Variants in RFX7 observed in about 807,000 individuals in gnomAD.
RFX7 encodes regulatory factor X7.
In RFX7, 26 loss-of-function variants were observed where a neutral mutation model predicts 111.8. The observed-to-expected ratio is 0.23, with a 90% confidence interval of 0.17 to 0.32. The LOEUF (loss-of-function observed/expected upper bound fraction) is 0.32, where lower values mean the gene tolerates loss of function less well. Ranked by LOEUF, RFX7 falls within the 10% of genes least tolerant of loss-of-function variation. The pLI is 1.00. For missense variants in RFX7, 1,573 were observed against 1,772.9 expected, an observed-to-expected ratio of 0.89 and a Z score of 2.02; for synonymous variants, 624 against 624.4, an observed-to-expected ratio of 1.00 and a Z score of 0.01.
At chr15:56,111,457 G>A (rs370624047) in intron 5 of RFX7, among the ~76,000 whole-genome samples, 3 of 150,736 alleles carry the variant, frequency 2.0e-5, no homozygotes, top group African/African-American at 4.9e-5. Context: ...CAGCATGCTC[G>A]TTAAGAGTCA....
At chr15:56,201,039 A>G (rs1243461212) in intron 2 of RFX7, among the ~76,000 whole-genome samples, 1 of 152,194 alleles carries the variant, frequency 6.6e-6, no homozygotes, top group Non-Finnish European at 1.5e-5. Flanking sequence ...CTGAAGTTAA[A>G]ATGAGAATTC....
intron 2 of RFX7, among the ~76,000 whole-genome samples, chr15:56,227,173 A>G (rs1567053277): frequency 6.6e-6 from 1 of 152,214 alleles, no homozygotes; most frequent in Non-Finnish European, 1.5e-5. Context: ...AGTATTTTGC[A>G]AAGGTTCTCA....
intron 2 of RFX7, among the ~76,000 whole-genome samples, chr15:56,182,453 C>G (rs1457387056): frequency 1.3e-5 from 2 of 151,906 alleles, no homozygotes; most frequent in Admixed American, 1.3e-4. Context: ...AGCCTTATAC[C>G]CCTCCCTACC....
rs549397819 is a variant in RFX7 at position 56,154,082 on chromosome 15, G to A, written c.196-9599C>T. Among the ~76,000 whole-genome samples, 9 of 152,176 alleles carry A rather than the reference G, an allele frequency of 5.9e-5. No homozygotes were observed. The South Asian group carries it at 1.7e-3, about 28-fold the overall frequency. On this transcript the variant is annotated intron_variant, in intron 3 of 9. Transcript: ENST00000559447. ...CCTAGGAATACAACTTACAAGGGAC[G>A]TGAAGGATTTCAAGGAGAACTACAA...
chr15:56,104,939 A>G (rs962511187), intron 5 of RFX7, among the ~76,000 whole-genome samples: 3 of 152,190 alleles, frequency 2.0e-5, no homozygotes, highest in African/African-American at 7.2e-5. Flanking sequence ...TAAATTTGAT[A>G]CTTTGAGGGC....
rs2041546251 is a variant in RFX7 at position 56,087,778 on chromosome 15, G to C, written c.*5567C>G. The C allele has an allele frequency of 2.9e-6, 1 of 340,898 alleles. No individual in the cohort carries two copies. 21.1% of individuals were successfully genotyped at this position (340,898 alleles called of 1,614,324 possible). On this transcript the variant is annotated 3_prime_UTR_variant, in exon 10 of 10. Coordinates refer to ENST00000559447, the MANE Select transcript of RFX7 (RefSeq NM_022841.7). ...TATATTGCAAAATTTCAAAATGGCA[G>C]GTGTCTTCTCTAGCACCTTGTACAG... is the stretch of plus-strand genomic sequence containing the variant.
At chr15:56,124,951 G>A (rs2042123381) in intron 5 of RFX7, among the ~76,000 whole-genome samples, 1 of 152,068 alleles carries the variant, frequency 6.6e-6, no homozygotes. Flanking sequence ...ATGTCCTGAA[G>A]TCCCTATGTT....
chr15:56,110,026 G>A lies in RFX7; in HGVS notation c.402-6356C>T, dbSNP rs1319095759. On this transcript the variant is annotated intron_variant, in intron 5 of 9. Transcript: ENST00000559447. ...CGGGAGGCGAGGGGCGCCTCTGCCCGGCCGCCCCTACTGGAAAATGAGGAG... is the reference window on the plus strand; with the variant it reads ...CGGGAGGCGAGGGGCGCCTCTGCCCAGCCGCCCCTACTGGAAAATGAGGAG... Among the ~76,000 whole-genome samples, 42 of 124,064 alleles carry A rather than the reference G, an allele frequency of 3.4e-4. 2 individuals carry two copies. In the South Asian group the frequency reaches 8.7e-3, roughly 26 times the overall value. The allele number at this position is 124,064 out of a possible 152,430, so 81.4% of individuals were successfully genotyped here.
At chr15:56,201,027 A>G (rs2043188773) in intron 2 of RFX7, among the ~76,000 whole-genome samples, 1 of 152,132 alleles carries the variant, frequency 6.6e-6, no homozygotes, top group Admixed American at 6.5e-5. Flanking sequence ...TGGTTTAGAG[A>G]GCTGAAGTTA....
At chr15:56,243,374 AGAGGAG>A (rs1168304658) in intron 1 of RFX7, 65 bp downstream of exon 1, 9 of 428,234 alleles carry the variant, frequency 2.1e-5, no homozygotes, top group Middle Eastern at 1.1e-3. Context: ...CGAAGGGGGG[AGAGGAG>A]GAGGGGGAGG....
intron 2 of RFX7, among the ~76,000 whole-genome samples, chr15:56,232,363 T>C (rs2141233657): frequency 6.6e-6 from 1 of 152,306 alleles, no homozygotes; most frequent in South Asian, 2.1e-4. Context: ...GCTGCTGGGA[T>C]GCAGAGCACC....
At chr15:56,238,890 G>C (rs2043654376) in intron 2 of RFX7, among the ~76,000 whole-genome samples, 1 of 152,176 alleles carries the variant, frequency 6.6e-6, no homozygotes, top group South Asian at 2.1e-4. Flanking sequence ...CTGGAGTGCA[G>C]TGGCATGATC....
rs546265180 is a variant in RFX7 at position 56,201,220 on chromosome 15, G to C, written c.162-21917C>G. On this transcript the variant is annotated intron_variant, in intron 2 of 9. Transcript: ENST00000559447. ...CTTTTCTAGAGTTAAGAGTTTATTAGGGCAGTAAAGGGTTCAGTATCCCAA... is the reference window on the plus strand; with the variant it reads ...CTTTTCTAGAGTTAAGAGTTTATTACGGCAGTAAAGGGTTCAGTATCCCAA... Among the ~76,000 whole-genome samples the C allele has an allele frequency of 4.6e-5, 7 of 152,216 alleles. No individual in the cohort carries two copies. The South Asian group carries it at 1.2e-3, about 27-fold the overall frequency.
chr15:56,173,194 G>C (rs1012066012), intron 3 of RFX7, among the ~76,000 whole-genome samples: 1 of 152,078 alleles, frequency 6.6e-6, no homozygotes, highest in Admixed American at 6.5e-5. Flanking sequence ...TTGGAATTTG[G>C]AATCTATAGC....
chr15:56,220,875 CCA>C (rs2043419871), intron 2 of RFX7, among the ~76,000 whole-genome samples: 1 of 152,138 alleles, frequency 6.6e-6, no homozygotes, highest in South Asian at 2.1e-4. Context: ...GGAAATGGGT[CCA>C]GTTTCAATTC....
rs148554501 is a variant in RFX7 at position 56,132,801 on chromosome 15, C to G, written c.401+9977G>C. Among the ~76,000 whole-genome samples, 4 of 152,116 alleles carry G rather than the reference C, an allele frequency of 2.6e-5. No homozygotes were observed. In the East Asian group the frequency reaches 7.7e-4, roughly 29 times the overall value. On this transcript the variant is annotated intron_variant, in intron 5 of 9. Transcript: ENST00000559447. ...ATGTAAAAGGCTAGAACAAACATATCAGAAAGAAATGCATTTAGTGAATAA... is the reference window on the plus strand; with the variant it reads ...ATGTAAAAGGCTAGAACAAACATATGAGAAAGAAATGCATTTAGTGAATAA...
At chr15:56,231,790 C>A (rs758644456) in intron 2 of RFX7, among the ~76,000 whole-genome samples, 32 of 152,110 alleles carry the variant, frequency 2.1e-4, no homozygotes, top group Non-Finnish European at 4.3e-4. Flanking sequence ...CCTGTAAAAT[C>A]AAAAAGCTAG....
chr15:56,218,141 T>C (rs1430540478), intron 2 of RFX7, among the ~76,000 whole-genome samples: 1 of 141,854 alleles, frequency 7.0e-6, no homozygotes, highest in African/African-American at 2.7e-5. Context: ...TAGAAATGAT[T>C]TTCTTTTTTT....
At chr15:56,170,111 T>C (rs558957792) in intron 3 of RFX7, among the ~76,000 whole-genome samples, 3 of 152,316 alleles carry the variant, frequency 2.0e-5, no homozygotes, top group South Asian at 4.1e-4. Context: ...TATTCGTTCA[T>C]ACATTCAACA....
Sources: gnomAD v4.1 joint callset for allele counts (sites outside exome capture counted in the v4.1 genomes callset) on GRCh38, gnomAD v4.1.1 for gene constraint, MANE v1.5 for transcripts, NCBI Gene and HGNC (gene_info 2026-07-23, HGNC 2026-07-21) for gene names.